Variants in SLIT3 observed in about 807,000 individuals in gnomAD.
The protein encoded by SLIT3 is slit homolog 3 protein.
A neutral mutation model predicts 184.0 loss-of-function variants in SLIT3; 68 were observed. The ratio of observed to expected loss-of-function variants is 0.37; its 90% CI spans 0.30 to 0.45. SLIT3 has a LOEUF of 0.45. Among genes scored for constraint, SLIT3 ranks in the 20% least tolerant of loss-of-function variants. The pLI is 1.00. For missense variants in SLIT3, 1,707 were observed against 2,026.0 expected (o/e 0.84, Z 3.02); for synonymous variants, 831 against 828.6 (o/e 1.00, Z -0.05).
intron 4 of SLIT3, chr5:169,013,021 G>C (rs1279874463): frequency 2.0e-5 from 3 of 152,256 alleles, no homozygotes; most frequent in Admixed American, 6.5e-5. Context: ...CTAGCACATA[G>C]CAAGTGCCAA....
In SLIT3 at chr5:168,902,562, G is replaced by A. The variant is rs947720154; in HGVS notation, c.414-19226C>T. ...GTGTTAGTGGGGGACTGATGCAGCC[G>A]TTCTCAAAGTATGGTCTCTAGACCA... On this transcript the variant is annotated intron_variant, in intron 4 of 35. Coordinates refer to ENST00000519560, the MANE Select transcript of SLIT3 (RefSeq NM_003062.4). 4.6e-5 allele frequency among the ~76,000 whole-genome samples: 7 copies of A among 152,310 alleles called. No homozygotes were observed. In the East Asian group the frequency reaches 7.7e-4, roughly 17 times the overall value.
intron 23 of SLIT3, among the ~76,000 whole-genome samples, chr5:168,721,179 C>A (rs889859354): frequency 6.6e-6 from 1 of 152,116 alleles, no homozygotes; most frequent in African/African-American, 2.4e-5. Context: ...TCTGGCATCT[C>A]TGTTTTCATG....
intron 4 of SLIT3, among the ~76,000 whole-genome samples, chr5:168,921,351 C>A (rs1341716925): frequency 6.6e-6 from 1 of 152,098 alleles, no homozygotes; most frequent in Non-Finnish European, 1.5e-5. Flanking sequence ...ATGAAGAGGG[C>A]AATTTTCTGT....
Position 168,942,927 on chromosome 5 carries a change from C to G in SLIT3, c.414-59591G>C, listed in dbSNP as rs978068748. 2.0e-5 allele frequency among the ~76,000 whole-genome samples: 3 copies of G among 152,162 alleles called. No homozygotes were observed. In the South Asian group the frequency reaches 6.2e-4, roughly 32 times the overall value. Reference sequence around the variant, plus strand: ...TGTGATGATCCATTAACAATGCCTGCAGTGGGCTAGGGGGAGGAAGCTGAG... The same window carrying G: ...TGTGATGATCCATTAACAATGCCTGGAGTGGGCTAGGGGGAGGAAGCTGAG... On this transcript the variant is annotated intron_variant, in intron 4 of 35. Transcript: ENST00000519560.
At chr5:169,231,360 C>T (rs1764995953) in intron 3 of SLIT3, among the ~76,000 whole-genome samples, 1 of 152,190 alleles carries the variant, frequency 6.6e-6, no homozygotes, top group African/African-American at 2.4e-5. Context: ...TAGTGCCCCT[C>T]TCCATTCGCA....
At chr5:169,183,768 A>T (rs982707655) in intron 4 of SLIT3, among the ~76,000 whole-genome samples, 1 of 152,220 alleles carries the variant, frequency 6.6e-6, no homozygotes, top group Non-Finnish European at 1.5e-5. Context: ...ATTTTGTGGG[A>T]TGTTTCACAT....
rs1757262507 is a variant in SLIT3, at chr5:169,036,653, A to G, written c.414-153317T>C. Among the ~76,000 whole-genome samples, 2 of 146,756 alleles carry G rather than the reference A, an allele frequency of 1.4e-5. 1 individual carries two copies. The highest frequency in any genetic ancestry group is 4.3e-4 in the South Asian group (2 of 4,700). Reference sequence around the variant, plus strand: ...TCTATCCTCAGCCCTCTCCTTGTTAATAGTAATTTTTTTTTGGCGGCGTCT... The same window carrying G: ...TCTATCCTCAGCCCTCTCCTTGTTAGTAGTAATTTTTTTTTGGCGGCGTCT... On this transcript the variant is annotated intron_variant, in intron 4 of 35. Coordinates refer to ENST00000519560, the MANE Select transcript of SLIT3 (RefSeq NM_003062.4).
intron 1 of SLIT3, among the ~76,000 whole-genome samples, chr5:169,295,277 A>T (rs1277987999): frequency 2.6e-5 from 4 of 152,270 alleles, no homozygotes; most frequent in Non-Finnish European, 4.4e-5. Flanking sequence ...TACTGTGTTA[A>T]GCACTTTCCT....
chr5:169,065,684 T>C (rs1758329370), intron 4 of SLIT3, among the ~76,000 whole-genome samples: 1 of 152,176 alleles, frequency 6.6e-6, no homozygotes, highest in Non-Finnish European at 1.5e-5. Flanking sequence ...CATGCCACTG[T>C]GGGGCAACGA....
intron 21 of SLIT3, among the ~76,000 whole-genome samples, chr5:168,723,948 C>T (rs987658813): frequency 2.0e-5 from 3 of 152,206 alleles, no homozygotes; most frequent in African/African-American, 7.2e-5. Context: ...CACTTGTGCT[C>T]CCTCAGTGAC....
Position 168,948,843 on chromosome 5 carries a change from T to A in SLIT3, c.414-65507A>T, listed in dbSNP as rs945202873. On this transcript the variant is annotated intron_variant, in intron 4 of 35. Coordinates refer to ENST00000519560, the MANE Select transcript of SLIT3 (RefSeq NM_003062.4). ...CACCGCAGGGCTCTGCTAAAGTGGG[T>A]TTGGAAATCATTGGTGGGGACTAAT... Among the ~76,000 whole-genome samples the A allele has an allele frequency of 2.0e-5, 3 of 152,212 alleles. 1 individual carries two copies. The South Asian group carries it at 6.2e-4, about 32-fold the overall frequency.
intron 4 of SLIT3, among the ~76,000 whole-genome samples, chr5:169,060,593 G>A (rs1213235613): frequency 1.3e-5 from 2 of 152,180 alleles, no homozygotes; most frequent in Admixed American, 6.5e-5. Context: ...AGCTGCAACT[G>A]GGGTGTGAGC....
At chr5:168,746,879 CGGTGTGTGGT>C (rs202051246) in intron 20 of SLIT3, among the ~76,000 whole-genome samples, 33 of 12,442 alleles carry the variant, frequency 2.7e-3, no homozygotes, top group South Asian at 6.1e-3. Flanking sequence ...GTGGGTGTGG[CGGTGTGTGGT>C]GGTGTGTGGT....
At chr5:168,826,746 G>A (rs1207090339) in intron 6 of SLIT3, among the ~76,000 whole-genome samples, 1 of 152,134 alleles carries the variant, frequency 6.6e-6, no homozygotes, top group Non-Finnish European at 1.5e-5. Context: ...TCTGAGCTAA[G>A]GGTACTGCAT....
rs946985287 is a variant in SLIT3, at chr5:168,689,031, T to C, written c.3177-1915A>G. Among the ~76,000 whole-genome samples, 3 of 152,324 alleles carry C rather than the reference T, an allele frequency of 2.0e-5. No homozygotes were observed. In the South Asian group the frequency reaches 6.2e-4, roughly 32 times the overall value. On this transcript the variant is annotated intron_variant, in intron 29 of 35. Coordinates refer to ENST00000519560, the MANE Select transcript of SLIT3 (RefSeq NM_003062.4). ...CAGTGGAGGTCGGGAGGCAAATGTATTGACCTTCTTTTTCTTTTAAAATGC... is the reference window on the plus strand; with the variant it reads ...CAGTGGAGGTCGGGAGGCAAATGTACTGACCTTCTTTTTCTTTTAAAATGC...
At chr5:168,802,685 T>C (rs1441651241) in intron 9 of SLIT3, among the ~76,000 whole-genome samples, 1 of 152,218 alleles carries the variant, frequency 6.6e-6, no homozygotes, top group Admixed American at 6.5e-5. Flanking sequence ...GGATCTTTTG[T>C]GTAGGTAGCT....
chr5:168,748,538 G>T, intron 19 of SLIT3, 104 bp from the exon 20 acceptor site: 1 of 1,159,376 alleles, frequency 8.6e-7, no homozygotes, highest in Non-Finnish European at 1.2e-6. Flanking sequence ...GTTGTCCCCT[G>T]TCCCCGCTGT....
intron 3 of SLIT3, among the ~76,000 whole-genome samples, chr5:169,233,545 A>T (rs1395916665): frequency 4.6e-5 from 7 of 152,122 alleles, no homozygotes; most frequent in Non-Finnish European, 1.0e-4. Flanking sequence ...GCCTTTGTGC[A>T]CCTAACAACA....
chr5:169,251,070 A>G (rs73319552), intron 2 of SLIT3, among the ~76,000 whole-genome samples: 12,672 of 152,214 alleles, frequency 0.083, 1,083 homozygotes, highest in African/African-American at 0.19. Flanking sequence ...CATCTCTATG[A>G]AAGGGAAGCA....
Sources: gnomAD v4.1 joint callset for allele counts (sites outside exome capture counted in the v4.1 genomes callset) on GRCh38, gnomAD v4.1.1 for gene constraint, MANE v1.5 for transcripts, NCBI Gene and HGNC (gene_info 2026-07-23, HGNC 2026-07-21) for gene names.